The following FCSK variants were observed in gnomAD, a reference collection of about 807,000 sequenced individuals.
FCSK encodes the protein L-fucose kinase.
Under a neutral mutation model 122.5 loss-of-function variants are expected in FCSK, and 123 were observed. The observed-to-expected ratio is 1.00, with a 90% CI of 0.87 to 1.17. The LOEUF (loss-of-function observed/expected upper bound fraction) is 1.17. Among genes scored for constraint, FCSK ranks in the 50% most tolerant of loss-of-function variants. The pLI is 0.00. For missense variants in FCSK, 1,366 were observed against 1,450.4 expected, an observed-to-expected ratio of 0.94 and a Z score of 0.95; for synonymous variants, 620 against 625.5, an observed-to-expected ratio of 0.99 and a Z score of 0.13.
chr16:70,455,320 G>T (rs1020764022), intron 1 of FCSK, among the ~76,000 whole-genome samples: 1 of 152,172 alleles, frequency 6.6e-6, no homozygotes, highest in African/African-American at 2.4e-5. Flanking sequence ...AGATGAGGCT[G>T]TATTGAAAGT....
chr16:70,461,697 G>T (rs375763300), intron 1 of FCSK, among the ~76,000 whole-genome samples: 2 of 152,314 alleles, frequency 1.3e-5, no homozygotes, highest in South Asian at 2.1e-4. Context: ...GGGGGGTGGG[G>T]TTAGGCATTT....
chr16:70,468,040 G>A lies in FCSK; in HGVS notation c.663+74G>A, dbSNP rs2048479958. ...AGGGAGGGAGGGTCTGACTTCCTTC[G>A]ATTCCTTCTAGAAGCCTCCAGGACA... On this transcript the variant is annotated intron_variant, in intron 8 of 23. Transcript: ENST00000288078. 25 of 1,127,086 alleles carry A rather than the reference G, an allele frequency of 2.2e-5. No homozygotes were observed. In the South Asian group the frequency reaches 2.6e-4, roughly 12 times the overall value. The allele number at this position is 1,127,086 out of a possible 1,614,324, so 69.8% of individuals were successfully genotyped here.
At chr16:70,464,904 C>T in intron 3 of FCSK, 1 of 865,108 alleles carries the variant, frequency 1.2e-6, no homozygotes, top group Non-Finnish European at 1.8e-6. Flanking sequence ...CAGCAACAAA[C>T]CAGCCAGCAA....
intron 1 of FCSK, among the ~76,000 whole-genome samples, chr16:70,455,357 T>A (rs1364388851): frequency 6.6e-6 from 1 of 152,140 alleles, no homozygotes; most frequent in Admixed American, 6.6e-5. Flanking sequence ...CCAAGGCTCA[T>A]GCCTGTAATC....
rs897606249 is a variant in FCSK, at chr16:70,467,986, G to T, written c.663+20G>T. 6.2e-7 allele frequency: 1 copy of T among 1,604,346 alleles called. No homozygotes were observed. The highest frequency in any genetic ancestry group is 8.5e-7 in the Non-Finnish European group (1 of 1,171,094). On this transcript the variant is annotated intron_variant, in intron 8 of 23. Transcript: ENST00000288078. ...CCACTGGTATGGCTGCTGGGCCCAGGTTGCGGGGCTTTGGGGACCTTATGG... is the reference window on the plus strand; with the variant it reads ...CCACTGGTATGGCTGCTGGGCCCAGTTTGCGGGGCTTTGGGGACCTTATGG...
Position 70,478,414 on chromosome 16 carries a change from C to T in FCSK, c.2784C>T (p.Leu928=), listed in dbSNP as rs1315748479. The change falls in exon 21 of 24, where the codon CTC becomes CTT. Residue 928 remains leucine (L), a synonymous_variant. Transcript: ENST00000288078. ...GFVQKLNDHL[L]LVYTGKTRLA... Reference sequence around the variant, plus strand: ...TCCAGAAGCTCAATGACCACCTGCTCTTGGTGTACACTGGCAAGACCCGCC... The same window carrying T: ...TCCAGAAGCTCAATGACCACCTGCTTTTGGTGTACACTGGCAAGACCCGCC... The T allele has an allele frequency of 1.9e-6, 3 of 1,614,186 alleles. No homozygotes were observed. Among genetic ancestry groups the T allele is most frequent in the Non-Finnish European group, 2.5e-6 (3 of 1,180,046 alleles).
chr16:70,460,444 G>A lies in FCSK; in HGVS notation c.-22-2725G>A, dbSNP rs17882771. ...TTTTGAGACAGAATCTCGCTCTGTC[G>A]CCCAGGCTGGAGTGCAGTGGTGTGA... On this transcript the variant is annotated intron_variant, in intron 1 of 23. Coordinates refer to ENST00000288078, the MANE Select transcript of FCSK (RefSeq NM_145059.3). Among the ~76,000 whole-genome samples the A allele has an allele frequency of 2.6e-3, 394 of 150,858 alleles. 5 individuals carry two copies. Among genetic ancestry groups the A allele is most frequent in the African/African-American group, 9.4e-3 (384 of 41,032 alleles).
chr16:70,475,061 G>A (rs777275661), intron 18 of FCSK, 50 bp downstream of exon 18: 10 of 1,502,382 alleles, frequency 6.7e-6, no homozygotes, highest in South Asian at 4.9e-5. Context: ...CTGGGGGCTC[G>A]GGGCAGAAGC....
chr16:70,477,143 C>T (rs1176922792), intron 20 of FCSK, among the ~76,000 whole-genome samples: 4 of 152,180 alleles, frequency 2.6e-5, no homozygotes, highest in African/African-American at 9.7e-5. Context: ...CCCTAACTAT[C>T]AAGGGCCTGT....
chr16:70,472,195 G>A (rs2048647273), intron 13 of FCSK, among the ~76,000 whole-genome samples: 1 of 152,162 alleles, frequency 6.6e-6, no homozygotes, highest in African/African-American at 2.4e-5. Context: ...GCCTGTTGTG[G>A]TGGGCTGGGC....
At chr16:70,463,576 A>G in intron 2 of FCSK, 47 bp from the exon 3 acceptor site, 1 of 1,604,562 alleles carries the variant, frequency 6.2e-7, no homozygotes, top group Non-Finnish European at 8.5e-7. Context: ...GCTTTGGGCC[A>G]GGGCAGAGAG....
rs779832150 is a variant in FCSK at position 70,473,216 on chromosome 16, G to T, written c.1640G>T (p.Arg547Leu). 18 of 1,536,196 alleles carry T rather than the reference G, an allele frequency of 1.2e-5. No homozygotes were observed. The highest frequency in any genetic ancestry group is 1.5e-5 in the Non-Finnish European group (17 of 1,146,042). ...CGGGCTGCCACGCTGGCCTCTCGCC[G>T]GGACCTGTTCTTCCGCCAGGCCCTG... ...LDRAATLASR[R>L]DLFFRQALHK... Residue 547 changes from arginine to leucine, a missense_variant, in exon 15 of 24, where the codon CGG becomes CTG. Coordinates refer to ENST00000288078, the MANE Select transcript of FCSK (RefSeq NM_145059.3). The surrounding 1 kb of genome is among the most constrained non-coding windows in gnomAD (Gnocchi z 4.9).
intron 16 of FCSK, 59 bp downstream of exon 16, chr16:70,474,398 C>T (rs1047431727): frequency 3.8e-6 from 6 of 1,577,532 alleles, no homozygotes; most frequent in Non-Finnish European, 4.3e-6. Context: ...GGGAAGTGGA[C>T]CCTGATGGAG....
At chr16:70,474,432 C>T in intron 16 of FCSK, 93 bp downstream of exon 16, 1 of 1,548,242 alleles carries the variant, frequency 6.5e-7, no homozygotes, top group Non-Finnish European at 8.7e-7. Flanking sequence ...AGGTGGGGCT[C>T]CCTTGGGTAC....
intron 4 of FCSK, 30 bp downstream of exon 4, chr16:70,465,206 A>C (rs747949744): frequency 1.1e-5 from 17 of 1,585,958 alleles, no homozygotes; most frequent in Non-Finnish European, 1.3e-5. Context: ...GGGGCCAAGC[A>C]GAAGGCCAGA....
chr16:70,478,154 T>C, intron 20 of FCSK, 118 bp from the exon 21 acceptor site: 1 of 934,000 alleles, frequency 1.1e-6, no homozygotes, highest in Non-Finnish European at 1.6e-6. Context: ...TCCTGTGGAG[T>C]TGAGGGAAGC....
chr16:70,467,177 C>CATCCTATAGA, intron 6 of FCSK, 197 bp from the exon 7 acceptor site: 1 of 625,690 alleles, frequency 1.6e-6, no homozygotes, highest in Non-Finnish European at 2.8e-6. Context: ...CCCTTCTGTC[C>CATCCTATAGA]CACAGGGCTC....
intron 8 of FCSK, 134 bp downstream of exon 8, chr16:70,468,100 G>A: frequency 1.4e-6 from 1 of 719,000 alleles, no homozygotes; most frequent in Non-Finnish European, 2.4e-6. Flanking sequence ...GGGTAGCCTT[G>A]GAATTCAGGG....
Position 70,473,356 on chromosome 16 carries a change from G to A in FCSK, c.1777+3G>A. The A allele has an allele frequency of 6.7e-7, 1 of 1,494,082 alleles. No individual in the cohort carries two copies. The highest frequency in any genetic ancestry group is 9.0e-7 in the Non-Finnish European group (1 of 1,117,108). 92.6% of individuals were successfully genotyped at this position (1,494,082 alleles called of 1,614,324 possible). Reference sequence around the variant, plus strand: ...CCTGCTGGCCACGCTGGACCAGGGTGAGTGTGCAGGCTGGTAGTGCTGCAG... The same window carrying A: ...CCTGCTGGCCACGCTGGACCAGGGTAAGTGTGCAGGCTGGTAGTGCTGCAG... On this transcript the variant is annotated splice_donor_region_variant and intron_variant, in intron 15 of 23. Coordinates refer to ENST00000288078, the MANE Select transcript of FCSK (RefSeq NM_145059.3). This position sits in a 1 kb window ranked among gnomAD's most constrained non-coding sequence, Gnocchi z 4.9.
Sources: gnomAD v4.1 joint callset for allele counts (sites outside exome capture counted in the v4.1 genomes callset) on GRCh38, gnomAD v4.1.1 for gene constraint, Gnocchi (gnomAD v3.1) non-coding constraint, MANE v1.5 for transcripts, NCBI Gene and HGNC (gene_info 2026-07-23, HGNC 2026-07-21) for gene names.